The following SIDT2 variants were observed in gnomAD, a reference collection of about 807,000 sequenced individuals.
The protein encoded by SIDT2 is SID1 transmembrane family member 2.
In SIDT2, 68 loss-of-function variants were observed where a neutral mutation model predicts 114.4. That is an observed-to-expected ratio of 0.59 (90% confidence interval 0.49 to 0.73). The LOEUF is 0.73. Ranked by LOEUF, SIDT2 falls within the 30% of genes least tolerant of loss-of-function variation. The probability of loss-of-function intolerance (pLI) is 0.00; values close to 1 mark genes in which losing one functional copy is unlikely to be tolerated. For missense variants in SIDT2, 918 were observed against 1,097.1 expected, an observed-to-expected ratio of 0.84 and a Z score of 2.31; for synonymous variants, 470 against 438.4, an observed-to-expected ratio of 1.07 and a Z score of -0.90.
chr11:117,183,807 A>T lies in SIDT2; in HGVS notation c.731A>T (p.Tyr244Phe), dbSNP rs776327864. 1 of 1,613,844 alleles carries T rather than the reference A, an allele frequency of 6.2e-7. No individual in the cohort carries two copies. Among genetic ancestry groups the T allele is most frequent in the African/African-American group, 1.3e-5 (1 of 74,922 alleles). ...AAAGACTTCCCCAGCAACAGCTTTTATGTGGTGGTGGTGGTGAAGACCGAA... is the reference window on the plus strand; with the variant it reads ...AAAGACTTCCCCAGCAACAGCTTTTTTGTGGTGGTGGTGGTGAAGACCGAA... Reference protein sequence around the residue: ...QRKDFPSNSFYVVVVVKTEDQ... With the variant: ...QRKDFPSNSFFVVVVVKTEDQ... The change falls in exon 7 of 26, where the codon TAT (tyrosine) becomes TTT (phenylalanine). Residue 244 changes from tyrosine (Y) to phenylalanine (F), a missense_variant. Physicochemically the swap from Tyr to Phe is conservative, Grantham distance 22. Around this residue, in one of 4 missense-constraint regions of SIDT2, gnomAD observed 553 missense variants for 600.1 expected, o/e 0.92. Coordinates refer to ENST00000324225, the MANE Select transcript of SIDT2 (RefSeq NM_001040455.2).
Position 117,179,448 on chromosome 11 carries a change from T to TGAGG in SIDT2, c.183+4_183+7dup, listed in dbSNP as rs1309988480. The TGAGG allele has an allele frequency of 6.2e-7, 1 of 1,612,112 alleles. No individual in the cohort carries two copies. The highest frequency in any genetic ancestry group is 1.1e-5 in the South Asian group (1 of 90,998). On this transcript the variant is annotated splice_region_variant and intron_variant, in intron 1 of 25. Coordinates refer to ENST00000324225, the MANE Select transcript of SIDT2 (RefSeq NM_001040455.2). ...AACCATACTGTGACCCGCAACAGGG[T>TGAGG]GAGGGCTGGGGGCTTAGGGGCCAGA...
At position 117,181,472 on chromosome 11, in the gene SIDT2, G is replaced by A. The variant is rs145171649; in HGVS notation, c.240G>A (p.Leu80=). 1.2e-6 allele frequency: 2 copies of A among 1,613,754 alleles called. No homozygotes were observed. Among genetic ancestry groups the A allele is most frequent in the Non-Finnish European group, 1.7e-6 (2 of 1,179,932 alleles). The change falls in exon 2 of 26, where the codon TTG becomes TTA. Residue 80 remains leucine (L), a synonymous_variant. Transcript: ENST00000324225. ...NVLNKQKGAP[L]LFVVRQKEAV... ...TGAACAAGCAGAAGGGGGCGCCGTT[G>A]CTGTTTGTGGTCCGCCAGAAGGAGG...
chr11:117,184,251 G>A (rs1396963913), intron 8 of SIDT2, 112 bp downstream of exon 8: 1 of 1,066,830 alleles, frequency 9.4e-7, no homozygotes, highest in Non-Finnish European at 1.4e-6. Context: ...AGATATGCTG[G>A]TGGGGTAGGA....
At chr11:117,194,826 C>T (rs533243025) in intron 24 of SIDT2, among the ~76,000 whole-genome samples, 3 of 152,118 alleles carry the variant, frequency 2.0e-5, no homozygotes, top group Non-Finnish European at 2.9e-5. Flanking sequence ...CGGTGGCTCA[C>T]GCCTGTAATC....
intron 1 of SIDT2, chr11:117,179,674 T>A (rs932821650): frequency 3.8e-6 from 2 of 522,266 alleles, no homozygotes; most frequent in African/African-American, 3.8e-5. Flanking sequence ...ATTCCCATCT[T>A]CTCTTCCGCC....
chr11:117,185,361 T>TA (rs2030456881), intron 8 of SIDT2, among the ~76,000 whole-genome samples: 1 of 151,088 alleles, frequency 6.6e-6, no homozygotes, highest in South Asian at 2.2e-4. Context: ...GTGCCTCTCT[T>TA]ACATGGATTA....
In SIDT2 at chr11:117,190,071, T is replaced by G. The variant is rs777452388; in HGVS notation, c.1493+46T>G. Reference sequence around the variant, plus strand: ...CCCCTTGTCCAGGCCAAGGGTGAAATGGGGCAGGGCCTGGGGCTTTGCAAT... The same window carrying G: ...CCCCTTGTCCAGGCCAAGGGTGAAAGGGGGCAGGGCCTGGGGCTTTGCAAT... On this transcript the variant is annotated intron_variant, in intron 16 of 25. Coordinates refer to ENST00000324225, the MANE Select transcript of SIDT2 (RefSeq NM_001040455.2). The surrounding 1 kb of genome is among the most constrained non-coding windows in gnomAD (Gnocchi z 4.1). The G allele has an allele frequency of 3.7e-6, 6 of 1,613,648 alleles. No individual in the cohort carries two copies. The South Asian group carries it at 6.6e-5, about 18-fold the overall frequency.
At position 117,192,998 on chromosome 11, in the gene SIDT2, CCT is replaced by C; in HGVS notation, c.2105+137_2105+138del. The stretch of plus-strand genomic sequence containing the variant: ...ACATGGGGGCTAAGAGAGATCTTGG[CCT>C]CTCTTCTCTCTCTTGGCATCTGGGC... On this transcript the variant is annotated intron_variant, in intron 22 of 25. Transcript: ENST00000324225. The surrounding 1 kb of genome is among the most constrained non-coding windows in gnomAD (Gnocchi z 5.9). The C allele has an allele frequency of 3.7e-6, 5 of 1,345,040 alleles. No homozygotes were observed. The highest frequency in any genetic ancestry group is 5.3e-6 in the Non-Finnish European group (5 of 936,218). 83.3% of individuals were successfully genotyped at this position (1,345,040 alleles called of 1,614,324 possible).
At chr11:117,187,913 G>A (rs948484356) in intron 12 of SIDT2, 21 of 692,494 alleles carry the variant, frequency 3.0e-5, no homozygotes, top group East Asian at 2.5e-4. Flanking sequence ...TTCAAGCGGC[G>A]CCTCCCCTCT....
chr11:117,183,563 G>A (rs1043368515), intron 6 of SIDT2, among the ~76,000 whole-genome samples: 3 of 151,882 alleles, frequency 2.0e-5, no homozygotes, highest in African/African-American at 7.3e-5. Flanking sequence ...GTTTGAACCC[G>A]GGAGGCGGAG....
intron 1 of SIDT2, chr11:117,179,705 G>A (rs2030189727): frequency 2.1e-6 from 1 of 466,906 alleles, no homozygotes; most frequent in Non-Finnish European, 3.8e-6. Flanking sequence ...CATCAGTTGT[G>A]GTCTGAGCAC....
intron 9 of SIDT2, 29 bp downstream of exon 9, chr11:117,186,252 G>C: frequency 1.9e-6 from 3 of 1,606,390 alleles, no homozygotes; most frequent in Non-Finnish European, 2.6e-6. Flanking sequence ...GCCTCCCCTG[G>C]TCTGGGTGGT....
chr11:117,196,237 A>T lies in SIDT2; in HGVS notation c.*171A>T, dbSNP rs2030893210. 2.3e-6 allele frequency: 2 copies of T among 858,876 alleles called. No individual in the cohort carries two copies. The highest frequency in any genetic ancestry group is 3.5e-6 in the Non-Finnish European group (2 of 565,672). 53.2% of individuals were successfully genotyped at this position (858,876 alleles called of 1,614,324 possible). On this transcript the variant is annotated 3_prime_UTR_variant, in exon 26 of 26. Transcript: ENST00000324225. This position sits in a 1 kb window ranked among gnomAD's most constrained non-coding sequence, Gnocchi z 4.9. ...TGGCCTGGGACAGCCATGGGGTGGC[A>T]TGGAACCTTGCAGCTGCCCTCTGCC...
At chr11:117,187,884 C>T in intron 12 of SIDT2, 185 bp downstream of exon 12, 1 of 710,516 alleles carries the variant, frequency 1.4e-6, no homozygotes, top group South Asian at 1.5e-5. Context: ...TTTCCCTTTC[C>T]TTTGAAGGGC....
Position 117,192,900 on chromosome 11 carries a change from T to C in SIDT2, c.2105+34T>C. 1.2e-6 allele frequency: 2 copies of C among 1,613,862 alleles called. No individual in the cohort carries two copies. The highest frequency in any genetic ancestry group is 2.7e-5 in the African/African-American group (2 of 75,040). ...GGTCAGCAGTAGTGGCCTGGTTGGG[T>C]GGACAGCTGGGGACTCGGTCAGCCA... On this transcript the variant is annotated intron_variant, in intron 22 of 25. Coordinates refer to ENST00000324225, the MANE Select transcript of SIDT2 (RefSeq NM_001040455.2). The surrounding 1 kb of genome is among the most constrained non-coding windows in gnomAD (Gnocchi z 5.9).
In SIDT2 at chr11:117,181,904, T is replaced by C; in HGVS notation, c.403T>C (p.Ser135Pro). Reference protein sequence around the residue: ...SEIQFFYVDVSTLSPVNTTYQ... With the variant: ...SEIQFFYVDVPTLSPVNTTYQ... ...GATTCAGTTCTTCTACGTGGATGTG[T>C]CCACCCTGTCACCAGTCAACACCAC... is the stretch of plus-strand genomic sequence containing the variant. Residue 135 changes from serine to proline, a missense_variant, in exon 3 of 26, where the codon TCC becomes CCC. By Grantham distance (74) the Ser-to-Pro change is moderately conservative (BLOSUM62 -1). This residue lies in a region of SIDT2 where 553 missense variants were observed against 600.1 expected (regional missense o/e 0.92). Transcript: ENST00000324225. 6.2e-7 allele frequency: 1 copy of C among 1,614,120 alleles called. No individual in the cohort carries two copies. Among genetic ancestry groups the C allele is most frequent in the Non-Finnish European group, 8.5e-7 (1 of 1,180,018 alleles).
At chr11:117,180,933 T>C (rs2030260670) in intron 1 of SIDT2, among the ~76,000 whole-genome samples, 1 of 152,190 alleles carries the variant, frequency 6.6e-6, no homozygotes, top group South Asian at 2.1e-4. Context: ...CTTCAATACC[T>C]ACCCCTCCTC....
intron 25 of SIDT2, 28 bp downstream of exon 25, chr11:117,195,943 T>C: frequency 6.2e-7 from 1 of 1,613,856 alleles, no homozygotes; most frequent in Non-Finnish European, 8.5e-7. Flanking sequence ...CCGAGCCGGG[T>C]GGGTACGTGA....
intron 4 of SIDT2, 166 bp from the exon 5 acceptor site, chr11:117,182,353 A>C: frequency 1.4e-6 from 1 of 722,596 alleles, no homozygotes; most frequent in South Asian, 1.8e-5. Flanking sequence ...GGAATGGTAT[A>C]CAGAGAAAGG....
Sources: allele counts gnomAD v4.1 joint callset (sites outside exome capture counted in the v4.1 genomes callset), GRCh38; gene constraint gnomAD v4.1.1; regional missense constraint gnomAD v4.1.1; non-coding constraint Gnocchi (gnomAD v3.1); transcripts MANE v1.5; gene names NCBI Gene and HGNC (gene_info 2026-07-23, HGNC 2026-07-21).